Variants in HECW1 observed in about 807,000 individuals in gnomAD.
HECW1 encodes the protein HECT, C2 and WW domain containing E3 ubiquitin protein ligase 1, also known as E3 ubiquitin-protein ligase HECW1.
In HECW1, 61 loss-of-function variants were observed where a neutral mutation model predicts 182.3. The observed-to-expected ratio is 0.33, with a 90% confidence interval of 0.27 to 0.41. The LOEUF (loss-of-function observed/expected upper bound fraction) is 0.41, where lower values mean the gene tolerates loss of function less well. HECW1 is among the 10% of genes least tolerant of loss of function. The pLI is 1.00. For synonymous variants in HECW1, 859 were observed against 832.6 expected (o/e 1.03, Z -0.55); for missense variants, 1,739 against 2,108.9 (o/e 0.82, Z 3.44).
chr7:43,316,008 C>T (rs1037381142), intron 4 of HECW1, among the ~76,000 whole-genome samples: 1 of 152,048 alleles, frequency 6.6e-6, no homozygotes, highest in African/African-American at 2.4e-5. Flanking sequence ...ACAGCAATAG[C>T]ATGTTTGTTG....
intron 2 of HECW1, among the ~76,000 whole-genome samples, chr7:43,144,949 T>C (rs559032213): frequency 3.3e-5 from 5 of 152,342 alleles, no homozygotes; most frequent in Admixed American, 3.3e-4. Flanking sequence ...ATTCCTTCTT[T>C]CTAAAGACAA....
intron 2 of HECW1, among the ~76,000 whole-genome samples, chr7:43,198,248 C>T (rs1794661845): frequency 6.7e-6 from 1 of 149,802 alleles, no homozygotes; most frequent in Non-Finnish European, 1.5e-5. Flanking sequence ...CCCACAGTCT[C>T]TCACACACCC....
At chr7:43,448,568 A>G (rs772356392) in intron 11 of HECW1, among the ~76,000 whole-genome samples, 14 of 152,196 alleles carry the variant, frequency 9.2e-5, no homozygotes, top group Non-Finnish European at 1.8e-4. Context: ...ATGATACTAC[A>G]AAAGCACTCT....
intron 2 of HECW1, among the ~76,000 whole-genome samples, chr7:43,202,241 A>G (rs993871567): frequency 6.6e-6 from 1 of 152,170 alleles, no homozygotes; most frequent in African/African-American, 2.4e-5. Context: ...CACAATGCAC[A>G]CTGTCCTCTC....
chr7:43,293,437 C>G (rs1299703860), intron 3 of HECW1, among the ~76,000 whole-genome samples: 1 of 152,124 alleles, frequency 6.6e-6, no homozygotes, highest in Non-Finnish European at 1.5e-5. Flanking sequence ...CAGCCAAATT[C>G]CCATCTGCAG....
chr7:43,161,484 T>C (rs1271878319), intron 2 of HECW1: 2 of 152,252 alleles, frequency 1.3e-5, no homozygotes, highest in East Asian at 3.9e-4. Context: ...GCAGTATCTG[T>C]TGAGTAAATG....
chr7:43,439,637 G>A (rs2076819250), intron 9 of HECW1: 2 of 152,558 alleles, frequency 1.3e-5, no homozygotes, highest in African/African-American at 4.8e-5. Context: ...GTAAGGAACA[G>A]AACTTCTCTC....
At chr7:43,442,777 C>G in intron 10 of HECW1, 148 bp downstream of exon 10, 1 of 626,490 alleles carries the variant, frequency 1.6e-6, no homozygotes, top group Admixed American at 2.4e-5. Flanking sequence ...AGCCAGTGAT[C>G]TATTCTGGAA....
chr7:43,501,313 A>G lies in HECW1; in HGVS notation c.3622A>G (p.Asn1208Asp). The part of the protein sequence containing the change: ...PRCSPCSSPQ[N>D]SPGLQRASAR... ...ATGTTCACCCTGTTCTTCACCTCAG[A>G]ACTCCCCAGGTAACAGGAATCTGGC... is the stretch of plus-strand genomic sequence containing the variant. The change falls in exon 21 of 30, where the codon AAC becomes GAC. Residue 1208 changes from asparagine to aspartate, a missense_variant. Physicochemically the swap from Asn to Asp is conservative, Grantham distance 23 (BLOSUM62 1). Coordinates refer to ENST00000395891, the MANE Select transcript of HECW1 (RefSeq NM_015052.5). The G allele has an allele frequency of 6.3e-7, 1 of 1,590,760 alleles. No homozygotes were observed. Among genetic ancestry groups the G allele is most frequent in the Non-Finnish European group, 8.6e-7 (1 of 1,161,156 alleles).
At chr7:43,395,326 G>C (rs949747037) in intron 6 of HECW1, among the ~76,000 whole-genome samples, 2 of 152,202 alleles carry the variant, frequency 1.3e-5, no homozygotes, top group Non-Finnish European at 2.9e-5. Flanking sequence ...CTATGCCCAG[G>C]AATGAACAAG....
At position 43,445,582 on chromosome 7, in the gene HECW1, A is replaced by T. The variant is rs1328819105; in HGVS notation, c.2398+12A>T. On this transcript the variant is annotated intron_variant, in intron 11 of 29. Transcript: ENST00000395891. The stretch of plus-strand genomic sequence containing the variant: ...CAATCGGAGAGAAGGTTAGACCTCA[A>T]ACCTGATCAGAGTGAGAATAGGACC... 1.9e-6 allele frequency: 3 copies of T among 1,552,530 alleles called. No individual in the cohort carries two copies. The highest frequency in any genetic ancestry group is 1.7e-6 in the Non-Finnish European group (2 of 1,145,064).
chr7:43,294,449 C>T, intron 3 of HECW1, among the ~76,000 whole-genome samples: 1 of 152,154 alleles, frequency 6.6e-6, no homozygotes, highest in Non-Finnish European at 1.5e-5. Context: ...GACTCAGCCT[C>T]CCAGGAGCCT....
intron 2 of HECW1, among the ~76,000 whole-genome samples, chr7:43,208,813 G>A (rs1795728320): frequency 6.6e-6 from 1 of 152,138 alleles, no homozygotes; most frequent in African/African-American, 2.4e-5. Context: ...GCCCTCCAAG[G>A]TGTCTGGCTT....
intron 13 of HECW1, among the ~76,000 whole-genome samples, chr7:43,457,880 A>G (rs2077456580): frequency 6.6e-6 from 1 of 152,080 alleles, no homozygotes; most frequent in African/African-American, 2.4e-5. Context: ...TCACCAGAAC[A>G]TTTTTTCATT....
At chr7:43,160,845 A>G (rs1790450956) in intron 2 of HECW1, among the ~76,000 whole-genome samples, 1 of 152,162 alleles carries the variant, frequency 6.6e-6, no homozygotes, top group African/African-American at 2.4e-5. Flanking sequence ...CATGAGTTTC[A>G]GCACTTCTAC....
intron 3 of HECW1, among the ~76,000 whole-genome samples, chr7:43,299,844 T>A (rs1456312362): frequency 6.6e-6 from 1 of 152,224 alleles, no homozygotes; most frequent in Non-Finnish European, 1.5e-5. Context: ...TCAAATCCCA[T>A]TTTTTTGTTT....
intron 2 of HECW1, among the ~76,000 whole-genome samples, chr7:43,174,808 G>A (rs1215771779): frequency 1.3e-5 from 2 of 152,080 alleles, no homozygotes; most frequent in Non-Finnish European, 2.9e-5. Flanking sequence ...CCTTTACCAC[G>A]TGTGGATAGT....
intron 13 of HECW1, among the ~76,000 whole-genome samples, chr7:43,459,396 A>T (rs916679579): frequency 3.9e-5 from 6 of 152,248 alleles, no homozygotes. Flanking sequence ...TTTACTGAAA[A>T]GCAGAAAATA....
At chr7:43,242,293 T>A (rs1397912493) in intron 2 of HECW1, among the ~76,000 whole-genome samples, 1 of 151,408 alleles carries the variant, frequency 6.6e-6, no homozygotes, top group Non-Finnish European at 1.5e-5. Context: ...GGGAGTTGAG[T>A]GGGAGAGGGA....
Sources: allele counts gnomAD v4.1 joint callset (sites outside exome capture counted in the v4.1 genomes callset), GRCh38; gene constraint gnomAD v4.1.1; transcripts MANE v1.5; gene names NCBI Gene and HGNC (gene_info 2026-07-23, HGNC 2026-07-21).